Variants in PLCH1 observed in about 807,000 individuals in gnomAD.
PLCH1 encodes 1-phosphatidylinositol 4,5-bisphosphate phosphodiesterase eta-1.
In PLCH1, 60 loss-of-function variants were observed where a neutral mutation model predicts 126.7. The observed-to-expected ratio is 0.47, with a 90% CI of 0.38 to 0.59. The LOEUF (loss-of-function observed/expected upper bound fraction) is 0.59, where lower values mean the gene tolerates loss of function less well. PLCH1 is among the 20% of genes least tolerant of loss of function. The pLI, the probability that PLCH1 is intolerant of heterozygous loss-of-function variation, is 0.00. For synonymous variants in PLCH1, 719 were observed against 734.9 expected, an observed-to-expected ratio of 0.98 and a Z score of 0.35; for missense variants, 1,723 against 2,040.0, an observed-to-expected ratio of 0.84 and a Z score of 2.99.
chr3:155,559,167 C>T (rs78394584), intron 8 of PLCH1, among the ~76,000 whole-genome samples: 3,429 of 152,174 alleles, frequency 0.023, 151 homozygotes, highest in African/African-American at 0.079. Flanking sequence ...ATTCAAGAGT[C>T]AGACCAACCT....
chr3:155,537,198 A>ACAAC (rs375890756), intron 10 of PLCH1, among the ~76,000 whole-genome samples: 10 of 128,096 alleles, frequency 7.8e-5, no homozygotes, highest in African/African-American at 1.3e-4. Context: ...AAAAAAAAAA[A>ACAAC]AACCAAAAAA....
intron 2 of PLCH1, among the ~76,000 whole-genome samples, chr3:155,641,583 G>A (rs987922866): frequency 2.6e-5 from 4 of 152,094 alleles, no homozygotes; most frequent in African/African-American, 9.7e-5. Context: ...ATCTGAAAAT[G>A]AGTAGAATTG....
At chr3:155,512,175 T>C (rs901336256) in intron 12 of PLCH1, among the ~76,000 whole-genome samples, 2 of 152,044 alleles carry the variant, frequency 1.3e-5, no homozygotes, top group African/African-American at 2.4e-5. Context: ...CCCCTTGCGC[T>C]TCCCAGGTGA....
At chr3:155,585,931 C>T (rs1051530369) in intron 5 of PLCH1, 134 bp downstream of exon 5, 1 of 637,690 alleles carries the variant, frequency 1.6e-6, no homozygotes, top group Non-Finnish European at 2.6e-6. Flanking sequence ...ATCATTTCTT[C>T]ATCAAAGAAA....
At chr3:155,455,825 T>C (rs910434632) in intron 21 of PLCH1, among the ~76,000 whole-genome samples, 17 of 152,252 alleles carry the variant, frequency 1.1e-4, no homozygotes, top group African/African-American at 3.4e-4. Flanking sequence ...CCTGGCTTTG[T>C]TGGAGAGTTA....
intron 2 of PLCH1, among the ~76,000 whole-genome samples, chr3:155,675,790 T>C (rs1285312963): frequency 6.6e-6 from 1 of 152,196 alleles, no homozygotes; most frequent in Non-Finnish European, 1.5e-5. Context: ...CAAATTCTAC[T>C]CTTATAAAAG....
At chr3:155,470,927 C>T (rs961880065) in intron 21 of PLCH1, among the ~76,000 whole-genome samples, 18 of 151,946 alleles carry the variant, frequency 1.2e-4, no homozygotes, top group Admixed American at 4.6e-4. Flanking sequence ...CTGAAGGAAG[C>T]GCTAAACATG....
chr3:155,529,859 C>T (rs928149520), intron 10 of PLCH1, among the ~76,000 whole-genome samples: 5 of 152,082 alleles, frequency 3.3e-5, no homozygotes, highest in African/African-American at 7.2e-5. Context: ...CTCCGCCCCC[C>T]GGGTTCAAGC....
chr3:155,614,561 G>T (rs936342681), intron 2 of PLCH1, among the ~76,000 whole-genome samples: 2 of 152,136 alleles, frequency 1.3e-5, no homozygotes, highest in African/African-American at 2.4e-5. Context: ...TACCAAAACA[G>T]CATAGTACTG....
intron 2 of PLCH1, among the ~76,000 whole-genome samples, chr3:155,633,499 G>GT (rs1452432306): frequency 2.0e-5 from 3 of 151,902 alleles, no homozygotes; most frequent in Non-Finnish European, 2.9e-5. Context: ...CTGCTGGAAT[G>GT]TAAGTTCCAT....
chr3:155,644,195 C>T (rs1440051718), intron 2 of PLCH1, among the ~76,000 whole-genome samples: 1 of 152,178 alleles, frequency 6.6e-6, no homozygotes, highest in African/African-American at 2.4e-5. Context: ...GTTACATTCT[C>T]CAACACCCCA....
chr3:155,719,240 C>T (rs980253694), intron 1 of PLCH1, among the ~76,000 whole-genome samples: 1 of 152,158 alleles, frequency 6.6e-6, no homozygotes, highest in Non-Finnish European at 1.5e-5. Flanking sequence ...AAGCTTAGCT[C>T]CCACTATGAG....
chr3:155,537,520 G>A (rs1723599719), intron 10 of PLCH1, among the ~76,000 whole-genome samples: 1 of 151,794 alleles, frequency 6.6e-6, no homozygotes, highest in African/African-American at 2.4e-5. Flanking sequence ...AAGATATAAG[G>A]ACTCATAAAC....
intron 10 of PLCH1, among the ~76,000 whole-genome samples, chr3:155,534,852 T>C (rs1723143512): frequency 6.6e-6 from 1 of 152,208 alleles, no homozygotes; most frequent in Non-Finnish European, 1.5e-5. Flanking sequence ...TCCTGCCACC[T>C]TGTGAAGAAG....
chr3:155,485,631 A>C lies in PLCH1; in HGVS notation c.2699T>G (p.Val900Gly), dbSNP rs1372410199. The C allele has an allele frequency of 6.2e-7, 1 of 1,612,136 alleles. No individual in the cohort carries two copies. Among genetic ancestry groups the C allele is most frequent in the South Asian group, 1.1e-5 (1 of 91,090 alleles). ...TCTATCTCCAATGGATCGCTTCCGT[A>C]CATAATGGGAATTGTTTTCTGAAGA... ...HSSSENNSHY[V>G]RKRSIGDRIL... The change falls in exon 22 of 23, where the codon GTA becomes GGA. Residue 900 changes from valine to glycine, a missense_variant. Coordinates refer to ENST00000460012, the MANE Select transcript of PLCH1 (RefSeq NM_014996.4).
At chr3:155,729,561 T>C (rs987137733) in intron 1 of PLCH1, among the ~76,000 whole-genome samples, 1 of 152,194 alleles carries the variant, frequency 6.6e-6, no homozygotes, top group African/African-American at 2.4e-5. Flanking sequence ...TTCCTGGTTA[T>C]AAAAGGAAAA....
At chr3:155,456,220 A>T (rs1195662080) in intron 21 of PLCH1, among the ~76,000 whole-genome samples, 1 of 151,804 alleles carries the variant, frequency 6.6e-6, no homozygotes, top group Non-Finnish European at 1.5e-5. Flanking sequence ...TCCTCTTCTG[A>T]TCATCATTTA....
intron 2 of PLCH1, among the ~76,000 whole-genome samples, chr3:155,695,529 T>C (rs1018400439): frequency 2.6e-5 from 4 of 152,232 alleles, no homozygotes; most frequent in African/African-American, 7.2e-5. Flanking sequence ...AAATAAAATA[T>C]AGAAATTCAT....
chr3:155,550,270 A>G (rs1725931584), intron 9 of PLCH1, among the ~76,000 whole-genome samples: 1 of 152,236 alleles, frequency 6.6e-6, no homozygotes, highest in Non-Finnish European at 1.5e-5. Context: ...AAATTTTAAA[A>G]GAGATGAGAA....
Sources: allele counts gnomAD v4.1 joint callset (sites outside exome capture counted in the v4.1 genomes callset), GRCh38; gene constraint gnomAD v4.1.1; transcripts MANE v1.5; gene names NCBI Gene and HGNC (gene_info 2026-07-23, HGNC 2026-07-21).